COL19A1: variants seen among roughly 807,000 people sequenced by gnomAD.
COL19A1 encodes the protein collagen alpha-1(XIX) chain.
COL19A1 carries 159 observed loss-of-function variants against 190.2 expected under a neutral mutation model. The observed-to-expected ratio is 0.84, with a 90% confidence interval of 0.73 to 0.95. COL19A1 has a LOEUF of 0.95. Among genes scored for constraint, COL19A1 ranks in the 40% least tolerant of loss-of-function variants. The pLI is 0.00. For synonymous variants in COL19A1, 509 were observed against 458.9 expected, an observed-to-expected ratio of 1.11 and a Z score of -1.39; for missense variants, 1,418 against 1,431.9, an observed-to-expected ratio of 0.99 and a Z score of 0.16.
chr6:69,936,171 T>G (rs1582456097), intron 7 of COL19A1, among the ~76,000 whole-genome samples: 1 of 152,146 alleles, frequency 6.6e-6, no homozygotes, highest in East Asian at 1.9e-4. Flanking sequence ...GTAACCAAAT[T>G]GCACTTCACT....
At chr6:69,924,640 AG>A (rs1180421558) in intron 4 of COL19A1, among the ~76,000 whole-genome samples, 1 of 152,214 alleles carries the variant, frequency 6.6e-6, no homozygotes, top group Non-Finnish European at 1.5e-5. Context: ...TTCTAGTTCT[AG>A]ATCCCTGAGG....
intron 12 of COL19A1, among the ~76,000 whole-genome samples, chr6:70,033,872 C>G (rs1434794302): frequency 6.6e-6 from 1 of 152,032 alleles, no homozygotes; most frequent in Admixed American, 6.6e-5. Context: ...TTTTGGCAAG[C>G]TTAACAAAGG....
chr6:69,929,357 C>G, intron 5 of COL19A1, 68 bp from the exon 6 acceptor site: 1 of 1,479,586 alleles, frequency 6.8e-7, no homozygotes, highest in Non-Finnish European at 9.1e-7. Flanking sequence ...TTGAGCTTTT[C>G]TTTGTGTGCT....
intron 7 of COL19A1, among the ~76,000 whole-genome samples, chr6:69,933,544 C>A (rs1772915745): frequency 6.6e-6 from 1 of 152,088 alleles, no homozygotes; most frequent in Non-Finnish European, 1.5e-5. Flanking sequence ...TAAGTGACTC[C>A]TGTTGGAAGT....
At chr6:70,006,047 T>C (rs1777600682) in intron 11 of COL19A1, among the ~76,000 whole-genome samples, 1 of 152,100 alleles carries the variant, frequency 6.6e-6, no homozygotes, top group Non-Finnish European at 1.5e-5. Flanking sequence ...AAGGGCTTTT[T>C]CAGTCTCCCT....
rs1768186729 is a variant in COL19A1, at chr6:70,211,226, T to C, written c.*3952T>C. 6.6e-6 allele frequency among the ~76,000 whole-genome samples: 1 copy of C among 152,044 alleles called. No homozygotes were observed. ...ACAAAAGTACAATTAGAAACACTGTTTTTTTTAAGTACCGTTTTTATTTTC... is the reference window on the plus strand; with the variant it reads ...ACAAAAGTACAATTAGAAACACTGTCTTTTTTAAGTACCGTTTTTATTTTC... On this transcript the variant is annotated 3_prime_UTR_variant, in exon 51 of 51. Transcript: ENST00000620364.
At chr6:69,900,522 C>T (rs1385206793) in intron 4 of COL19A1, among the ~76,000 whole-genome samples, 184 bp downstream of exon 4, 2 of 152,034 alleles carry the variant, frequency 1.3e-5, no homozygotes, top group African/African-American at 4.8e-5. Context: ...AATCTTGGCT[C>T]TACAGTGTAA....
intron 4 of COL19A1, among the ~76,000 whole-genome samples, chr6:69,927,200 T>A (rs1257206817): frequency 6.6e-6 from 1 of 152,138 alleles, no homozygotes; most frequent in South Asian, 2.1e-4. Flanking sequence ...ATTACATAGA[T>A]AAATATAAAA....
intron 11 of COL19A1, among the ~76,000 whole-genome samples, chr6:69,972,495 G>C (rs190748902): frequency 3.3e-5 from 5 of 152,146 alleles, no homozygotes; most frequent in Non-Finnish European, 7.4e-5. Flanking sequence ...AAGTATTATA[G>C]AGAAAGTTAA....
chr6:70,096,473 T>A (rs1783281839), intron 15 of COL19A1, among the ~76,000 whole-genome samples: 1 of 152,130 alleles, frequency 6.6e-6, no homozygotes, highest in African/African-American at 2.4e-5. Flanking sequence ...ACTGGGTGTA[T>A]GCAGTAGGAA....
At chr6:69,982,135 G>A (rs1776067501) in intron 11 of COL19A1, among the ~76,000 whole-genome samples, 1 of 152,088 alleles carries the variant, frequency 6.6e-6, no homozygotes, top group African/African-American at 2.4e-5. Flanking sequence ...AAAAGAGGGG[G>A]AGTTAAGAAG....
intron 11 of COL19A1, among the ~76,000 whole-genome samples, chr6:70,001,286 T>C (rs970509971): frequency 1.3e-5 from 2 of 152,208 alleles, no homozygotes; most frequent in Non-Finnish European, 2.9e-5. Context: ...GTAGTATAGT[T>C]TGAAGTCAGG....
intron 11 of COL19A1, among the ~76,000 whole-genome samples, chr6:69,984,878 G>A (rs1457708255): frequency 3.3e-5 from 5 of 151,964 alleles, no homozygotes; most frequent in Non-Finnish European, 5.9e-5. Flanking sequence ...AGATTAGCCA[G>A]CCTAAAACCT....
intron 14 of COL19A1, among the ~76,000 whole-genome samples, chr6:70,056,390 G>T (rs982551524): frequency 6.6e-6 from 1 of 152,000 alleles, no homozygotes; most frequent in African/African-American, 2.4e-5. Flanking sequence ...TTTTCCTCTT[G>T]TGCTCCCAAG....
intron 4 of COL19A1, among the ~76,000 whole-genome samples, chr6:69,921,513 T>TATATTCATATATTCATATATATTC (rs1561998804): frequency 1.0e-3 from 15 of 14,682 alleles, no homozygotes; most frequent in South Asian, 3.2e-3. Context: ...TATATTCATA[T>TATATTCATATATTCATATATATTC]GTATATTCAT....
chr6:70,151,586 A>G (rs1428377749), intron 31 of COL19A1, 148 bp downstream of exon 31: 2 of 680,100 alleles, frequency 2.9e-6, no homozygotes, highest in Non-Finnish European at 5.1e-6. Flanking sequence ...GAAAATAAAC[A>G]TGTATCTTAT....
At chr6:70,021,944 T>G (rs1778437873) in intron 11 of COL19A1, among the ~76,000 whole-genome samples, 1 of 152,196 alleles carries the variant, frequency 6.6e-6, no homozygotes, top group Non-Finnish European at 1.5e-5. Flanking sequence ...CTGGTTGTGT[T>G]TGTATGCAGT....
intron 11 of COL19A1, among the ~76,000 whole-genome samples, chr6:69,980,099 A>G (rs1436083465): frequency 1.3e-5 from 2 of 152,038 alleles, no homozygotes; most frequent in African/African-American, 2.4e-5. Flanking sequence ...ATAACTAAAA[A>G]TAGTCAAAAA....
intron 15 of COL19A1, among the ~76,000 whole-genome samples, chr6:70,069,228 G>C (rs1024225061): frequency 1.3e-5 from 2 of 152,046 alleles, no homozygotes; most frequent in Non-Finnish European, 2.9e-5. Flanking sequence ...CCATGACTTA[G>C]AGTTTAGATG....
Sources: gnomAD v4.1 joint callset for allele counts (sites outside exome capture counted in the v4.1 genomes callset) on GRCh38, gnomAD v4.1.1 for gene constraint, MANE v1.5 for transcripts, NCBI Gene and HGNC (gene_info 2026-07-23, HGNC 2026-07-21) for gene names.